Variants in EXT1 observed in about 807,000 individuals in gnomAD.
The protein encoded by EXT1 is exostosin-1.
Under a neutral mutation model 82.5 loss-of-function variants are expected in EXT1, and 20 were observed. The ratio of observed to expected loss-of-function variants is 0.24; its 90% confidence interval spans 0.17 to 0.35. The LOEUF is 0.35. Among genes scored for constraint, EXT1 ranks in the 10% least tolerant of loss-of-function variants. EXT1 has a pLI of 1.00. For synonymous variants in EXT1, 348 were observed against 350.8 expected (o/e 0.99, Z 0.09); for missense variants, 757 against 936.5 (o/e 0.81, Z 2.50).
At chr8:117,829,478 G>A (rs1328617376) in intron 4 of EXT1, among the ~76,000 whole-genome samples, 6 of 151,624 alleles carry the variant, frequency 4.0e-5, no homozygotes, top group East Asian at 3.9e-4. Flanking sequence ...CTGCTGTCCC[G>A]CAATGCCATT....
intron 1 of EXT1, among the ~76,000 whole-genome samples, chr8:117,889,436 T>C (rs962264640): frequency 1.3e-5 from 2 of 152,156 alleles, no homozygotes; most frequent in African/African-American, 4.8e-5. Flanking sequence ...GGTGTTAGCA[T>C]TTTTTTAATC....
At chr8:117,811,125 A>G (rs17439583) in intron 8 of EXT1, among the ~76,000 whole-genome samples, 226 of 152,240 alleles carry the variant, frequency 1.5e-3, no homozygotes, top group Admixed American at 2.7e-3. Flanking sequence ...TAAGGAATCC[A>G]AAGTTCCTTC....
chr8:117,977,549 G>A (rs1268475583), intron 1 of EXT1, among the ~76,000 whole-genome samples: 1 of 152,118 alleles, frequency 6.6e-6, no homozygotes, highest in Non-Finnish European at 1.5e-5. Context: ...AGATGATGTG[G>A]GGCTCACAGT....
At chr8:117,843,151 C>T (rs1427227593) in intron 1 of EXT1, among the ~76,000 whole-genome samples, 2 of 152,200 alleles carry the variant, frequency 1.3e-5, no homozygotes, top group African/African-American at 4.8e-5. Flanking sequence ...TGTTGTAGTT[C>T]TCTAAAGTGC....
chr8:118,057,737 G>T (rs1816817413), intron 1 of EXT1, among the ~76,000 whole-genome samples: 1 of 151,826 alleles, frequency 6.6e-6, no homozygotes, highest in African/African-American at 2.4e-5. Flanking sequence ...ACTTTGGGAG[G>T]CCGAGGCGGG....
chr8:117,940,032 C>A (rs1814242581), intron 1 of EXT1, among the ~76,000 whole-genome samples: 2 of 152,214 alleles, frequency 1.3e-5, no homozygotes, highest in South Asian at 4.1e-4. Context: ...ATTCTTGGGT[C>A]CACCATGGAT....
chr8:118,092,371 T>C (rs1260659530), intron 1 of EXT1, among the ~76,000 whole-genome samples: 4 of 152,148 alleles, frequency 2.6e-5, no homozygotes, highest in Non-Finnish European at 5.9e-5. Flanking sequence ...TAAGCACCTA[T>C]CAAGCAACCT....
intron 1 of EXT1, among the ~76,000 whole-genome samples, chr8:118,101,345 T>C (rs1715159570): frequency 6.6e-6 from 1 of 152,218 alleles, no homozygotes; most frequent in South Asian, 2.1e-4. Context: ...AAAGAGGCTG[T>C]GTATCCTCAC....
intron 1 of EXT1, among the ~76,000 whole-genome samples, chr8:117,971,341 T>C (rs1175504762): frequency 6.6e-6 from 1 of 152,212 alleles, no homozygotes; most frequent in African/African-American, 2.4e-5. Flanking sequence ...GTGGAAATTA[T>C]ATGATAAACT....
intron 1 of EXT1, among the ~76,000 whole-genome samples, chr8:117,877,991 G>A (rs1052770120): frequency 7.2e-5 from 11 of 152,108 alleles, no homozygotes; most frequent in African/African-American, 2.2e-4. Context: ...ATAAATATTC[G>A]GCTAGGTGCG....
intron 1 of EXT1, among the ~76,000 whole-genome samples, chr8:117,948,222 G>T (rs1348294970): frequency 6.7e-6 from 1 of 149,820 alleles, no homozygotes; most frequent in Non-Finnish European, 1.5e-5. Context: ...TGAAGTAGTA[G>T]CAGGTTGGTC....
At chr8:118,029,255 C>A (rs1329972610) in intron 1 of EXT1, among the ~76,000 whole-genome samples, 2 of 151,950 alleles carry the variant, frequency 1.3e-5, no homozygotes, top group African/African-American at 2.4e-5. Flanking sequence ...ATAGTAAGAC[C>A]CAGTCTCTAC....
chr8:117,796,393 T>C lies in EXT1; in HGVS notation c.*3319A>G, dbSNP rs1823088917. On this transcript the variant is annotated 3_prime_UTR_variant, in exon 11 of 11. Transcript: ENST00000378204. The stretch of plus-strand genomic sequence containing the variant: ...TTTTTTAATTAAAAAAAATAGTATA[T>C]AGGCCTATTCACATTCATTCATCTC... 1 of 151,358 alleles carries C rather than the reference T, an allele frequency of 6.6e-6. No homozygotes were observed. The highest frequency in any genetic ancestry group is 1.5e-5 in the Non-Finnish European group (1 of 67,906). The allele number at this position is 151,358 out of a possible 1,614,324, so 9.4% of individuals were successfully genotyped here.
chr8:117,939,073 C>T (rs1449399777), intron 1 of EXT1, among the ~76,000 whole-genome samples: 1 of 152,018 alleles, frequency 6.6e-6, no homozygotes, highest in Admixed American at 6.6e-5. Context: ...GGAAGCCTCC[C>T]TTGCCTGTAA....
At chr8:118,040,581 G>T (rs1406365456) in intron 1 of EXT1, among the ~76,000 whole-genome samples, 1 of 152,160 alleles carries the variant, frequency 6.6e-6, no homozygotes, top group Non-Finnish European at 1.5e-5. Flanking sequence ...GGTCCTTCTA[G>T]ATCCAAAGAC....
At chr8:117,909,080 C>T (rs1485840261) in intron 1 of EXT1, among the ~76,000 whole-genome samples, 3 of 151,650 alleles carry the variant, frequency 2.0e-5, no homozygotes, top group Admixed American at 6.6e-5. Flanking sequence ...TGAAGTGAAC[C>T]GAGATCGGGC....
intron 1 of EXT1, among the ~76,000 whole-genome samples, chr8:117,848,445 G>A (rs781258338): frequency 6.6e-6 from 1 of 152,200 alleles, no homozygotes; most frequent in Non-Finnish European, 1.5e-5. Flanking sequence ...CCTTTGAGAA[G>A]CAGACAGAGC....
At chr8:117,819,643 A>T in intron 6 of EXT1, 33 bp downstream of exon 6, 1 of 1,575,596 alleles carries the variant, frequency 6.3e-7, no homozygotes, top group Non-Finnish European at 8.7e-7. Flanking sequence ...GAGCTGGAGC[A>T]GGCAGGGGCT....
intron 1 of EXT1, among the ~76,000 whole-genome samples, chr8:117,889,616 A>T (rs908164434): frequency 6.6e-6 from 1 of 152,226 alleles, no homozygotes; most frequent in Non-Finnish European, 1.5e-5. Flanking sequence ...CCTAAAGGTC[A>T]GCAATTTTAG....
Sources: allele counts gnomAD v4.1 joint callset (sites outside exome capture counted in the v4.1 genomes callset), GRCh38; gene constraint gnomAD v4.1.1; transcripts MANE v1.5; gene names NCBI Gene and HGNC (gene_info 2026-07-23, HGNC 2026-07-21).